ALDH1A2: variants seen among roughly 807,000 people sequenced by gnomAD.
ALDH1A2 encodes retinal dehydrogenase 2.
In ALDH1A2, 27 loss-of-function variants were observed where a neutral mutation model predicts 60.3. That is an observed-to-expected ratio of 0.45 (90% CI 0.33 to 0.62). ALDH1A2 has a LOEUF of 0.62. Ranked by LOEUF, ALDH1A2 falls within the 20% of genes least tolerant of loss-of-function variation. The probability of loss-of-function intolerance (pLI) is 0.02; values close to 1 mark genes in which losing one functional copy is unlikely to be tolerated. For synonymous variants in ALDH1A2, 289 were observed against 232.4 expected (o/e 1.24, Z -2.21); for missense variants, 581 against 643.8 (o/e 0.90, Z 1.06).
At chr15:58,045,845 G>T (rs1896628336) in intron 1 of ALDH1A2, among the ~76,000 whole-genome samples, 1 of 151,752 alleles carries the variant, frequency 6.6e-6, no homozygotes, top group Non-Finnish European at 1.5e-5. Flanking sequence ...AAAGAATATG[G>T]TCACTGCTGT....
intron 4 of ALDH1A2, among the ~76,000 whole-genome samples, chr15:58,009,044 G>T (rs1484835840): frequency 1.3e-5 from 2 of 152,212 alleles, no homozygotes; most frequent in African/African-American, 4.8e-5. Context: ...GAAGGGAAGA[G>T]CCCCTACAAT....
chr15:57,987,259 T>G (rs1189151808), intron 7 of ALDH1A2, among the ~76,000 whole-genome samples: 1 of 151,676 alleles, frequency 6.6e-6, no homozygotes, highest in East Asian at 1.9e-4. Context: ...AAAAAAAGAT[T>G]TGAAAAAATA....
At chr15:58,034,281 A>T (rs1209416934) in intron 1 of ALDH1A2, among the ~76,000 whole-genome samples, 1 of 151,772 alleles carries the variant, frequency 6.6e-6, no homozygotes, top group African/African-American at 2.4e-5. Context: ...CATCACCAGT[A>T]TATAAGAAAT....
chr15:58,013,134 A>G (rs1895684872), intron 3 of ALDH1A2, among the ~76,000 whole-genome samples: 1 of 152,236 alleles, frequency 6.6e-6, no homozygotes, highest in Non-Finnish European at 1.5e-5. Flanking sequence ...ACTGGCTCAC[A>G]GAATGACAGG....
intron 12 of ALDH1A2, among the ~76,000 whole-genome samples, chr15:57,957,778 A>G (rs1893577333): frequency 1.3e-5 from 2 of 152,234 alleles, no homozygotes; most frequent in Admixed American, 1.3e-4. Flanking sequence ...AGACTTGCTC[A>G]TAAAACAAGT....
chr15:57,984,361 T>C (rs961374430), intron 7 of ALDH1A2, among the ~76,000 whole-genome samples: 3 of 152,240 alleles, frequency 2.0e-5, no homozygotes, highest in Non-Finnish European at 4.4e-5. Context: ...TAATTGATTT[T>C]TCACAGCTTG....
intron 1 of ALDH1A2, chr15:58,065,254 G>A: frequency 4.4e-6 from 2 of 459,472 alleles, no homozygotes; most frequent in South Asian, 4.2e-5. Context: ...GAATCGGACA[G>A]AAACCAGCCT....
intron 7 of ALDH1A2, among the ~76,000 whole-genome samples, chr15:57,973,934 C>T (rs146621584): frequency 2.0e-5 from 3 of 152,292 alleles, no homozygotes; most frequent in East Asian, 1.9e-4. Flanking sequence ...CACCTTCCAC[C>T]CTATTCTCTT....
chr15:57,965,402 C>T (rs1346037913), intron 8 of ALDH1A2, among the ~76,000 whole-genome samples: 1 of 152,186 alleles, frequency 6.6e-6, no homozygotes, highest in Admixed American at 6.5e-5. Flanking sequence ...TGAATCTAGG[C>T]AGAGAGACTA....
intron 7 of ALDH1A2, among the ~76,000 whole-genome samples, chr15:57,972,140 T>C (rs971712216): frequency 8.2e-5 from 10 of 121,808 alleles, no homozygotes; most frequent in African/African-American, 2.0e-4. Context: ...TATTTTATAA[T>C]TGGAAAAAAA....
chr15:58,049,985 A>G (rs182987387), intron 1 of ALDH1A2, among the ~76,000 whole-genome samples: 1 of 152,138 alleles, frequency 6.6e-6, no homozygotes, highest in East Asian at 1.9e-4. Flanking sequence ...CAGAAAGGCT[A>G]GTGGGTGTGA....
At chr15:58,002,614 T>C (rs1291068738) in intron 4 of ALDH1A2, among the ~76,000 whole-genome samples, 2 of 151,924 alleles carry the variant, frequency 1.3e-5, no homozygotes. Flanking sequence ...GAGAAATTTG[T>C]CAAATATGGA....
chr15:58,065,578 G>A lies in ALDH1A2; in HGVS notation c.73C>T (p.Leu25Phe). 6.2e-7 allele frequency: 1 copy of A among 1,613,518 alleles called. No individual in the cohort carries two copies. The highest frequency in any genetic ancestry group is 8.5e-7 in the Non-Finnish European group (1 of 1,179,662). ...AGATTGGGCGTGGGCGACGGCAGGA[G>A]GTGCAGCGACGCCATGAGGGCGGCG... Reference protein sequence around the residue: ...DPAALMASLHLLPSPTPNLEI... With the variant: ...DPAALMASLHFLPSPTPNLEI... Residue 25 changes from leucine (L) to phenylalanine (F), a missense_variant, in exon 1 of 13, where the codon CTC becomes TTC. Leu to Phe is a conservative substitution (Grantham distance 22). Transcript: ENST00000249750.
chr15:57,983,953 T>C (rs564131483), intron 7 of ALDH1A2, among the ~76,000 whole-genome samples: 1 of 152,320 alleles, frequency 6.6e-6, no homozygotes, highest in Admixed American at 6.5e-5. Flanking sequence ...AAAGATGCAA[T>C]TTTGAAGTGA....
chr15:58,030,683 A>G lies in ALDH1A2; in HGVS notation c.118-16402T>C, dbSNP rs1373076422. Among the ~76,000 whole-genome samples, 5 of 152,332 alleles carry G rather than the reference A, an allele frequency of 3.3e-5. No homozygotes were observed. The East Asian group carries it at 9.6e-4, about 29-fold the overall frequency. On this transcript the variant is annotated intron_variant, in intron 1 of 12. Transcript: ENST00000249750. ...AATCTCCTTAATAGGCAACTTCAGC[A>G]TAGTCTCAGGATACAAAATCAATGT...
At chr15:57,959,148 A>C (rs1364769927) in intron 12 of ALDH1A2, among the ~76,000 whole-genome samples, 2 of 152,144 alleles carry the variant, frequency 1.3e-5, no homozygotes, top group African/African-American at 4.8e-5. Flanking sequence ...TCATTTATTG[A>C]AAGTATATTT....
At chr15:57,966,071 T>G (rs1893887009) in intron 7 of ALDH1A2, among the ~76,000 whole-genome samples, 1 of 152,220 alleles carries the variant, frequency 6.6e-6, no homozygotes, top group South Asian at 2.1e-4. Context: ...AAAAGGGAGT[T>G]AAATCTGGAA....
intron 7 of ALDH1A2, among the ~76,000 whole-genome samples, chr15:57,983,037 T>C (rs1468624430): frequency 1.3e-5 from 2 of 152,180 alleles, no homozygotes; most frequent in East Asian, 3.9e-4. Context: ...CTATAAGGTT[T>C]TTCACATCCT....
At chr15:58,008,498 C>T (rs909154034) in intron 4 of ALDH1A2, among the ~76,000 whole-genome samples, 3 of 152,074 alleles carry the variant, frequency 2.0e-5, no homozygotes, top group Non-Finnish European at 4.4e-5. Context: ...CAAACATTAT[C>T]AGGGATGTCA....
Sources: allele counts gnomAD v4.1 joint callset (sites outside exome capture counted in the v4.1 genomes callset), GRCh38; gene constraint gnomAD v4.1.1; transcripts MANE v1.5; gene names NCBI Gene and HGNC (gene_info 2026-07-23, HGNC 2026-07-21).